Variants in TMEM161B observed in about 807,000 individuals in gnomAD.
TMEM161B encodes transmembrane protein 161B.
Under a neutral mutation model 61.8 loss-of-function variants are expected in TMEM161B, and 34 were observed. That is an observed-to-expected ratio of 0.55 (90% CI 0.42 to 0.73). The LOEUF is 0.73. Among genes scored for constraint, TMEM161B ranks in the 30% least tolerant of loss-of-function variants. TMEM161B has a pLI of 0.00. For synonymous variants in TMEM161B, 167 were observed against 192.8 expected, an observed-to-expected ratio of 0.87 and a Z score of 1.11; for missense variants, 456 against 558.5, an observed-to-expected ratio of 0.82 and a Z score of 1.85.
At chr5:88,188,828 G>C (rs1035947723), downstream of TMEM161B, among the ~76,000 whole-genome samples, 1 of 151,684 alleles carries the variant, frequency 6.6e-6, no homozygotes, top group Non-Finnish European at 1.5e-5. Flanking sequence ...GTTAGAGTTG[G>C]GGGGGGTGGT....
chr5:88,211,723 A>G (rs2112461029), intron 5 of TMEM161B, among the ~76,000 whole-genome samples: 1 of 151,496 alleles, frequency 6.6e-6, no homozygotes, highest in Middle Eastern at 3.5e-3. Flanking sequence ...GTGAGCCGAG[A>G]TCGCACCACT....
downstream of TMEM161B, among the ~76,000 whole-genome samples, chr5:88,193,706 AAAT>A (rs1472103739): frequency 6.6e-6 from 1 of 152,166 alleles, no homozygotes; most frequent in African/African-American, 2.4e-5. Context: ...TTGAAACTTA[AAAT>A]AATAACTTCA....
At chr5:88,232,723 G>A (rs948419454) in intron 2 of TMEM161B, among the ~76,000 whole-genome samples, 3 of 152,012 alleles carry the variant, frequency 2.0e-5, no homozygotes, top group East Asian at 1.9e-4. Context: ...ACTAGCGCCC[G>A]CCACCATGTC....
intron 11 of TMEM161B, 73 bp downstream of exon 11, chr5:88,197,596 G>T: frequency 8.0e-7 from 1 of 1,247,198 alleles, no homozygotes; most frequent in Non-Finnish European, 1.1e-6. Context: ...GCATTTCTTT[G>T]TTGGTGACAA....
At chr5:88,259,745 G>A (rs1755459015) in intron 1 of TMEM161B, among the ~76,000 whole-genome samples, 1 of 152,194 alleles carries the variant, frequency 6.6e-6, no homozygotes, top group African/African-American at 2.4e-5. Flanking sequence ...TTAATTGCTT[G>A]AATACTATAG....
intron 1 of TMEM161B, chr5:88,250,688 T>C (rs1429501176): frequency 6.6e-6 from 1 of 152,174 alleles, no homozygotes. Context: ...AACTGTTTCT[T>C]CACTGCAATT....
intron 2 of TMEM161B, among the ~76,000 whole-genome samples, chr5:88,228,981 A>G (rs1369526440): frequency 6.6e-6 from 1 of 152,058 alleles, no homozygotes; most frequent in African/African-American, 2.4e-5. Flanking sequence ...CCCTTTTTTA[A>G]TTTAGTTCGA....
chr5:88,243,460 G>A (rs1561401932), intron 1 of TMEM161B, among the ~76,000 whole-genome samples: 2 of 151,744 alleles, frequency 1.3e-5, no homozygotes, highest in South Asian at 2.1e-4. Flanking sequence ...TGGTATATAT[G>A]TATTTAATAC....
intron 1 of TMEM161B, among the ~76,000 whole-genome samples, chr5:88,247,829 C>T (rs183581764): frequency 2.0e-5 from 3 of 152,048 alleles, no homozygotes; most frequent in African/African-American, 4.8e-5. Flanking sequence ...CTTTTTTCAC[C>T]GGTCTATTTG....
downstream of TMEM161B, chr5:88,190,230 G>T (rs1206660716): frequency 1.4e-6 from 1 of 701,060 alleles, no homozygotes; most frequent in Non-Finnish European, 2.6e-6. Context: ...TTGCATGCCG[G>T]GTGGAACGGC....
chr5:88,187,147 C>T (rs1014591666), downstream of TMEM161B, among the ~76,000 whole-genome samples: 10 of 152,160 alleles, frequency 6.6e-5, no homozygotes, highest in African/African-American at 1.9e-4. Context: ...TGCTTTGACA[C>T]CTTTGTCAAA....
chr5:88,207,233 A>C, intron 5 of TMEM161B, 53 bp from the exon 6 acceptor site: 1 of 1,521,026 alleles, frequency 6.6e-7, no homozygotes, highest in Admixed American at 2.1e-5. Flanking sequence ...GGAGCTATAC[A>C]CAATGATCTT....
chr5:88,192,323 T>C (rs1469622206), downstream of TMEM161B, among the ~76,000 whole-genome samples: 2 of 151,972 alleles, frequency 1.3e-5, no homozygotes, highest in African/African-American at 4.8e-5. Flanking sequence ...GAATAGTTCA[T>C]AGCTAAAAAA....
intron 2 of TMEM161B, among the ~76,000 whole-genome samples, chr5:88,229,228 T>C (rs1750570559): frequency 6.6e-6 from 1 of 152,188 alleles, no homozygotes; most frequent in Non-Finnish European, 1.5e-5. Flanking sequence ...TGCCTAGTCA[T>C]CCCAACTATC....
At chr5:88,260,292 A>G (rs1175704987) in intron 1 of TMEM161B, among the ~76,000 whole-genome samples, 1 of 152,216 alleles carries the variant, frequency 6.6e-6, no homozygotes, top group East Asian at 1.9e-4. Context: ...TTTGTATCCC[A>G]TAATGTACAT....
At chr5:88,216,470 A>G (rs1442971346) in intron 5 of TMEM161B, among the ~76,000 whole-genome samples, 2 of 152,206 alleles carry the variant, frequency 1.3e-5, no homozygotes, top group Non-Finnish European at 2.9e-5. Flanking sequence ...ATGTGCTTGA[A>G]TTTAAAATCT....
Position 88,203,813 on chromosome 5 carries a change from AT to A in TMEM161B, c.801-739del, listed in dbSNP as rs1456804313. Among the ~76,000 whole-genome samples the A allele has an allele frequency of 4.3e-3, 424 of 98,742 alleles. 73 individuals carry two copies. The highest frequency in any genetic ancestry group is 0.013 in the Middle Eastern group (2 of 156). The allele number at this position is 98,742 out of a possible 152,430, so 64.8% of individuals were successfully genotyped here. On this transcript the variant is annotated intron_variant, in intron 8 of 11. Coordinates refer to ENST00000296595, the MANE Select transcript of TMEM161B (RefSeq NM_153354.5). ...TATATATATATATATATATATATATATAATTTGCATTACTCCTGACAAGGCA... is the reference window on the plus strand; with the variant it reads ...TATATATATATATATATATATATATAAATTTGCATTACTCCTGACAAGGCA...
downstream of TMEM161B, among the ~76,000 whole-genome samples, chr5:88,188,840 A>C (rs1748529591): frequency 6.6e-6 from 1 of 152,080 alleles, no homozygotes; most frequent in African/African-American, 2.4e-5. Flanking sequence ...GGGGGTGGTT[A>C]ATCTTTTAAC....
chr5:88,237,151 T>C (rs1162156245), intron 2 of TMEM161B, among the ~76,000 whole-genome samples: 1 of 152,136 alleles, frequency 6.6e-6, no homozygotes, highest in East Asian at 1.9e-4. Flanking sequence ...ATGGAGATAA[T>C]ATCACCTATG....
Sources: gnomAD v4.1 joint callset for allele counts (sites outside exome capture counted in the v4.1 genomes callset) on GRCh38, gnomAD v4.1.1 for gene constraint, MANE v1.5 for transcripts, NCBI Gene and HGNC (gene_info 2026-07-23, HGNC 2026-07-21) for gene names.